The following SLC66A2 variants were observed in gnomAD, a reference collection of about 807,000 sequenced individuals.
SLC66A2 encodes the protein PQ loop repeat containing 1.
Under a neutral mutation model 25.5 loss-of-function variants are expected in SLC66A2, and 23 were observed. The observed-to-expected ratio is 0.90, with a 90% confidence interval of 0.65 to 1.28. The LOEUF (loss-of-function observed/expected upper bound fraction) is 1.28. Ranked by LOEUF, SLC66A2 falls within the 50% of genes most tolerant of loss-of-function variation. The pLI is 0.00. For missense variants in SLC66A2, 396 were observed against 373.1 expected (o/e 1.06, Z -0.51); for synonymous variants, 193 against 166.5 (o/e 1.16, Z -1.23).
In SLC66A2 at chr18:79,951,036, C is replaced by G; in HGVS notation, c.-99-11G>C. On this transcript the variant is annotated splice_polypyrimidine_tract_variant and intron_variant, in intron 1 of 5. Transcript: ENST00000397778. The stretch of plus-strand genomic sequence containing the variant: ...CTGCGGCCTCGGGGCCTGCGGGGAG[C>G]GGGGAGCTGCTCGAGTTCCGCCCAG... The G allele has an allele frequency of 1.3e-6, 1 of 787,238 alleles. No homozygotes were observed. The allele number at this position is 787,238 out of a possible 1,614,324, so 48.8% of individuals were successfully genotyped here.
intron 2 of SLC66A2, chr18:79,949,838 G>A (rs1368652677): frequency 6.6e-6 from 1 of 152,234 alleles, no homozygotes; most frequent in East Asian, 1.9e-4. Flanking sequence ...GGACAGAGAG[G>A]CTGGGATCAC....
chr18:79,939,940 C>T (rs142299080), intron 3 of SLC66A2, among the ~76,000 whole-genome samples: 87 of 152,338 alleles, frequency 5.7e-4, no homozygotes, highest in African/African-American at 2.0e-3. Flanking sequence ...GCACTATTCA[C>T]ACTAGCAAAG....
At chr18:79,943,208 C>A in intron 3 of SLC66A2, 121 bp downstream of exon 3, 1 of 1,243,698 alleles carries the variant, frequency 8.0e-7, no homozygotes, top group South Asian at 1.5e-5. Context: ...CTGGAGATAA[C>A]AGCACCACTT....
Position 79,918,406 on chromosome 18 carries a change from G to C in SLC66A2, c.608+778C>G, listed in dbSNP as rs1175383328. ...GCGGGCACCGGGGGGCGGATCCCCA[G>C]TGAGGAGCGGGCCCGGGGGGGGGTC... is the stretch of plus-strand genomic sequence containing the variant. On this transcript the variant is annotated intron_variant, in intron 5 of 5. Transcript: ENST00000397778. This position sits in a 1 kb window ranked among gnomAD's most constrained non-coding sequence, Gnocchi z 4.0. 2.0e-5 allele frequency among the ~76,000 whole-genome samples: 3 copies of C among 148,310 alleles called. No individual in the cohort carries two copies. Among genetic ancestry groups the C allele is most frequent in the African/African-American group, 7.3e-5 (3 of 40,916 alleles).
intron 4 of SLC66A2, chr18:79,930,247 T>A (rs187420181): frequency 1.3e-5 from 2 of 152,048 alleles, no homozygotes; most frequent in East Asian, 3.9e-4. Context: ...CCAATAAGAT[T>A]AACAGCTGAC....
chr18:79,930,597 G>A (rs1040966044), intron 4 of SLC66A2, among the ~76,000 whole-genome samples: 3 of 152,136 alleles, frequency 2.0e-5, no homozygotes, highest in African/African-American at 7.2e-5. Flanking sequence ...GACTTAAAAA[G>A]TAACTGCATG....
intron 2 of SLC66A2, chr18:79,944,029 C>A: frequency 6.2e-6 from 1 of 160,616 alleles, no homozygotes. Context: ...CTCCCAGACT[C>A]CAGGTGGGGT....
Position 79,927,756 on chromosome 18 carries a change from C to A in SLC66A2, c.391+6213G>T, listed in dbSNP as rs988668058. On this transcript the variant is annotated intron_variant, in intron 4 of 5. Transcript: ENST00000397778. The surrounding 1 kb of genome is among the most constrained non-coding windows in gnomAD (Gnocchi z 6.2). ...CAGCCGTGCCGGCTTCCAAAGAGGA[C>A]CCCGGGAAACAAACACCCTCCCACT... 2.6e-5 allele frequency among the ~76,000 whole-genome samples: 4 copies of A among 152,176 alleles called. No homozygotes were observed. The East Asian group carries it at 7.7e-4, about 29-fold the overall frequency.
At position 79,919,298 on chromosome 18, in the gene SLC66A2, A is replaced by G. The variant is rs768553253; in HGVS notation, c.494T>C (p.Ile165Thr). The G allele has an allele frequency of 3.5e-5, 56 of 1,613,182 alleles. No individual in the cohort carries two copies. Among genetic ancestry groups the G allele is most frequent in the Middle Eastern group, 1.6e-4 (1 of 6,084 alleles). The change falls in exon 5 of 6, where the codon ATT becomes ACT. Residue 165 changes from isoleucine (I) to threonine (T), a missense_variant. Transcript: ENST00000397778. The stretch of plus-strand genomic sequence containing the variant: ...GGTCTCCACAAACAGGGCGGAGTCA[A>G]TGGACAGGTAGGTGATGTAGCCCGC... ...GVAGYITYLSIDSALFVETLG... is the reference protein window; with the variant it reads ...GVAGYITYLSTDSALFVETLG...
intron 5 of SLC66A2, among the ~76,000 whole-genome samples, chr18:79,914,597 GC>G (rs1983718007): frequency 6.6e-6 from 1 of 152,228 alleles, no homozygotes; most frequent in African/African-American, 2.4e-5. Context: ...CGTCTGGAGA[GC>G]GAGTGGAACC....
In SLC66A2 at chr18:79,941,197, G is replaced by C. The variant is rs1012459994; in HGVS notation, c.337+2132C>G. Among the ~76,000 whole-genome samples, 1 of 152,140 alleles carries C rather than the reference G, an allele frequency of 6.6e-6. No individual in the cohort carries two copies. The highest frequency in any genetic ancestry group is 1.5e-5 in the Non-Finnish European group (1 of 68,018). ...CCCATTCAAGTACAGGCAGAACTCAGCTCCCCGTGGTCGGGGGCTCTGCTG... is the reference window on the plus strand; with the variant it reads ...CCCATTCAAGTACAGGCAGAACTCACCTCCCCGTGGTCGGGGGCTCTGCTG... On this transcript the variant is annotated intron_variant, in intron 3 of 5. Coordinates refer to ENST00000397778, the MANE Select transcript of SLC66A2 (RefSeq NM_025078.5). This position sits in a 1 kb window ranked among gnomAD's most constrained non-coding sequence, Gnocchi z 4.1.
At position 79,919,393 on chromosome 18, in the gene SLC66A2, G is replaced by A. The variant is rs1224949026; in HGVS notation, c.399C>T (p.Asp133=). 2 of 1,612,914 alleles carry A rather than the reference G, an allele frequency of 1.2e-6. No homozygotes were observed. Among genetic ancestry groups the A allele is most frequent in the African/African-American group, 1.3e-5 (1 of 74,956 alleles). The change falls in exon 5 of 6, where the codon GAC becomes GAT. Residue 133 remains aspartate (D), a synonymous_variant. Coordinates refer to ENST00000397778, the MANE Select transcript of SLC66A2 (RefSeq NM_025078.5). ...VAPRRSFLDF[D]PHHFWQWSSF... is the part of the protein sequence containing the mutation. ...TGCTCCACTGCCAGAAGTGGTGGGG[G>A]TCGAAGTCTAGGGCGAGAGGGAGAA...
intron 4 of SLC66A2, among the ~76,000 whole-genome samples, chr18:79,928,820 C>A (rs1047355297): frequency 6.6e-6 from 1 of 152,074 alleles, no homozygotes; most frequent in Non-Finnish European, 1.5e-5. Flanking sequence ...CCACCCATGG[C>A]GCAGGGGCAG....
chr18:79,919,150 C>T (rs752985716), intron 5 of SLC66A2, 34 bp downstream of exon 5: 3 of 1,576,290 alleles, frequency 1.9e-6, no homozygotes, highest in Non-Finnish European at 2.6e-6. Context: ...GCCTCTGGAG[C>T]AGTGGTGCTT....
intron 3 of SLC66A2, among the ~76,000 whole-genome samples, chr18:79,938,364 C>T (rs755700791): frequency 2.0e-5 from 3 of 152,116 alleles, no homozygotes; most frequent in Non-Finnish European, 4.4e-5. Flanking sequence ...ATGGCCTGGC[C>T]GAAGAGGCTC....
At chr18:79,923,751 C>T (rs986672237) in intron 4 of SLC66A2, among the ~76,000 whole-genome samples, 19 of 152,150 alleles carry the variant, frequency 1.2e-4, no homozygotes, top group African/African-American at 4.3e-4. Context: ...CGGACTTCAT[C>T]GAAATCTAAA....
At chr18:79,929,450 C>T (rs578041824) in intron 4 of SLC66A2, among the ~76,000 whole-genome samples, 2 of 152,212 alleles carry the variant, frequency 1.3e-5, no homozygotes, top group Non-Finnish European at 2.9e-5. Context: ...GTAAGTCATC[C>T]TTCCCCCAAG....
chr18:79,948,722 T>G (rs2051016050), intron 2 of SLC66A2, among the ~76,000 whole-genome samples: 1 of 152,154 alleles, frequency 6.6e-6, no homozygotes. Flanking sequence ...TCCCGTATGG[T>G]TATCCACTCT....
intron 3 of SLC66A2, among the ~76,000 whole-genome samples, chr18:79,934,536 A>G (rs886270497): frequency 2.6e-5 from 4 of 152,230 alleles, no homozygotes; most frequent in Admixed American, 2.0e-4. Context: ...GCACTTGACA[A>G]GCACCTCTGC....
Sources: allele counts gnomAD v4.1 joint callset (sites outside exome capture counted in the v4.1 genomes callset), GRCh38; gene constraint gnomAD v4.1.1; non-coding constraint Gnocchi (gnomAD v3.1); transcripts MANE v1.5; gene names NCBI Gene and HGNC (gene_info 2026-07-23, HGNC 2026-07-21).